SEMA6D: variants seen among roughly 807,000 people sequenced by gnomAD.
The protein encoded by SEMA6D is semaphorin 6D, also known as semaphorin-6D.
SEMA6D carries 35 observed loss-of-function variants against 106.6 expected under a neutral mutation model. That is an observed-to-expected ratio of 0.33 (90% CI 0.25 to 0.44). The LOEUF (loss-of-function observed/expected upper bound fraction) is 0.44, where lower values mean the gene tolerates loss of function less well. Ranked by LOEUF, SEMA6D falls within the 20% of genes least tolerant of loss-of-function variation. The pLI is 1.00. For synonymous variants in SEMA6D, 499 were observed against 487.7 expected, an observed-to-expected ratio of 1.02 and a Z score of -0.31; for missense variants, 1,185 against 1,345.9, an observed-to-expected ratio of 0.88 and a Z score of 1.87.
chr15:47,763,747 A>G, intron 9 of SEMA6D, 103 bp from the exon 10 acceptor site: 3 of 990,040 alleles, frequency 3.0e-6, no homozygotes, highest in Non-Finnish European at 4.8e-6. Flanking sequence ...TTTGAACCAG[A>G]TGTATCTTTA....
intron 2 of SEMA6D, among the ~76,000 whole-genome samples, chr15:47,441,343 A>G (rs1369647152): frequency 1.3e-5 from 2 of 152,146 alleles, no homozygotes; most frequent in East Asian, 3.9e-4. Flanking sequence ...GGGAGAAACC[A>G]AAGTGGACAG....
chr15:47,295,081 C>T (rs1260458252), intron 1 of SEMA6D, among the ~76,000 whole-genome samples: 1 of 152,154 alleles, frequency 6.6e-6, no homozygotes, highest in Non-Finnish European at 1.5e-5. Context: ...CAAGAGGGGG[C>T]ATCAGGTTTG....
intron 2 of SEMA6D, among the ~76,000 whole-genome samples, chr15:47,455,599 G>C (rs994645723): frequency 6.6e-6 from 1 of 151,830 alleles, no homozygotes; most frequent in African/African-American, 2.4e-5. Context: ...ATTTAAATAC[G>C]CATCCTAAGC....
At chr15:47,359,221 A>G (rs573505594) in intron 1 of SEMA6D, among the ~76,000 whole-genome samples, 11 of 152,328 alleles carry the variant, frequency 7.2e-5, no homozygotes, top group Non-Finnish European at 1.5e-4. Context: ...GTACATGTGT[A>G]CATATTTATA....
intron 1 of SEMA6D, among the ~76,000 whole-genome samples, chr15:47,267,240 T>A (rs1222132478): frequency 1.3e-5 from 2 of 152,152 alleles, no homozygotes; most frequent in Admixed American, 6.6e-5. Flanking sequence ...TACTTTTGTT[T>A]TATTTAAAAC....
intron 2 of SEMA6D, among the ~76,000 whole-genome samples, chr15:47,435,473 C>G (rs1595988039): frequency 6.6e-6 from 1 of 152,082 alleles, no homozygotes; most frequent in East Asian, 1.9e-4. Context: ...GAAACACTGA[C>G]TTGCACATGG....
chr15:47,569,833 G>A (rs2046331614), intron 3 of SEMA6D, among the ~76,000 whole-genome samples: 1 of 152,072 alleles, frequency 6.6e-6, no homozygotes, highest in African/African-American at 2.4e-5. Context: ...GAACAAGGCG[G>A]GTGGATCACC....
intron 1 of SEMA6D, among the ~76,000 whole-genome samples, chr15:47,718,145 C>G (rs2146221157): frequency 6.6e-6 from 1 of 152,346 alleles, no homozygotes; most frequent in Admixed American, 6.5e-5. Flanking sequence ...GGTTGCTTCT[C>G]TGCCGGGCAC....
intron 3 of SEMA6D, among the ~76,000 whole-genome samples, chr15:47,532,621 A>T (rs1015420259): frequency 4.6e-5 from 7 of 152,160 alleles, no homozygotes; most frequent in African/African-American, 1.7e-4. Flanking sequence ...AGGATGGAGT[A>T]TTCAGTTGGT....
At chr15:47,682,323 G>A (rs889147325) in intron 4 of SEMA6D, among the ~76,000 whole-genome samples, 15 of 152,046 alleles carry the variant, frequency 9.9e-5, no homozygotes, top group South Asian at 2.1e-4. Flanking sequence ...GCCCGCCACC[G>A]CGCCTGGCTA....
chr15:47,400,013 T>C (rs1173753921), intron 1 of SEMA6D, among the ~76,000 whole-genome samples: 3 of 152,176 alleles, frequency 2.0e-5, no homozygotes, highest in Non-Finnish European at 4.4e-5. Context: ...GAGTTGTGTT[T>C]GTTTTGAATA....
chr15:47,737,819 G>T (rs889695351), intron 1 of SEMA6D, among the ~76,000 whole-genome samples: 1 of 152,092 alleles, frequency 6.6e-6, no homozygotes, highest in Admixed American at 6.6e-5. Context: ...TTTTCTAAGT[G>T]TGTGTTGTGT....
chr15:47,566,524 G>A (rs942410132), intron 3 of SEMA6D, among the ~76,000 whole-genome samples: 2 of 152,240 alleles, frequency 1.3e-5, no homozygotes, highest in Admixed American at 6.5e-5. Flanking sequence ...CAAGAAGTGT[G>A]TCCCTGGGGC....
At chr15:47,382,511 AG>A (rs1293936013) in intron 1 of SEMA6D, among the ~76,000 whole-genome samples, 1 of 152,218 alleles carries the variant, frequency 6.6e-6, no homozygotes, top group Non-Finnish European at 1.5e-5. Context: ...CGTCTCAAAA[AG>A]AAAAAAAAAG....
intron 4 of SEMA6D, among the ~76,000 whole-genome samples, chr15:47,601,126 G>A (rs2076648884): frequency 6.6e-6 from 1 of 152,086 alleles, no homozygotes; most frequent in Non-Finnish European, 1.5e-5. Flanking sequence ...GAAAGAGAGA[G>A]AGAGACAGTG....
At chr15:47,363,153 ATAT>A (rs1421916716) in intron 1 of SEMA6D, among the ~76,000 whole-genome samples, 1 of 152,166 alleles carries the variant, frequency 6.6e-6, no homozygotes, top group Non-Finnish European at 1.5e-5. Context: ...GAGATAGATA[ATAT>A]TATTCTCTTT....
At chr15:47,369,769 C>T (rs1400635808) in intron 1 of SEMA6D, among the ~76,000 whole-genome samples, 2 of 152,084 alleles carry the variant, frequency 1.3e-5, no homozygotes, top group Non-Finnish European at 2.9e-5. Context: ...AGTGAGATAC[C>T]ATGATCCTGA....
chr15:47,374,450 G>A (rs561510049), intron 1 of SEMA6D, among the ~76,000 whole-genome samples: 1 of 152,228 alleles, frequency 6.6e-6, no homozygotes, highest in South Asian at 2.1e-4. Context: ...GAATGGCAGT[G>A]GGTAACAGCT....
chr15:47,509,765 GC>G (rs1242377694), intron 3 of SEMA6D, among the ~76,000 whole-genome samples: 1 of 152,214 alleles, frequency 6.6e-6, no homozygotes, highest in Non-Finnish European at 1.5e-5. Flanking sequence ...TCAAAGTATT[GC>G]CCCTGAACTA....
Sources: gnomAD v4.1 joint callset for allele counts (sites outside exome capture counted in the v4.1 genomes callset) on GRCh38, gnomAD v4.1.1 for gene constraint, MANE v1.5 for transcripts, NCBI Gene and HGNC (gene_info 2026-07-23, HGNC 2026-07-21) for gene names.